The following LEPROTL1 variants were observed in gnomAD, a reference collection of about 807,000 sequenced individuals.
The protein encoded by LEPROTL1 is leptin receptor overlapping transcript like 1, also known as leptin receptor overlapping transcript-like 1.
LEPROTL1 carries 6 observed loss-of-function variants against 15.4 expected under a neutral mutation model. The observed-to-expected ratio is 0.39, with a 90% CI of 0.21 to 0.77. The LOEUF (loss-of-function observed/expected upper bound fraction) is 0.77. LEPROTL1 is among the 30% of genes least tolerant of loss of function. The pLI is 0.41. For synonymous variants in LEPROTL1, 56 were observed against 52.6 expected (o/e 1.06, Z -0.28); for missense variants, 128 against 158.1 (o/e 0.81, Z 1.02).
chr8:30,136,011 G>A (rs541654730), intron 4 of LEPROTL1, among the ~76,000 whole-genome samples: 1 of 152,024 alleles, frequency 6.6e-6, no homozygotes, highest in South Asian at 2.1e-4. Context: ...AACTGCTGCT[G>A]TTTCTATCCA....
rs1419349208 is a variant in LEPROTL1, at chr8:30,105,664, G to A, written c.280-82G>A. On this transcript the variant is annotated intron_variant, in intron 3 of 3. Transcript: ENST00000321250. ...CATGCTTCTTTTAGATCATAATTGG[G>A]ATACAACTAGAGCCTTGATTTTTTT... 57 of 1,147,238 alleles carry A rather than the reference G, an allele frequency of 5.0e-5. No individual in the cohort carries two copies. In the Admixed American group the frequency reaches 1.2e-3, roughly 23 times the overall value. 71.1% of individuals were successfully genotyped at this position (1,147,238 alleles called of 1,614,324 possible). A position where few individuals can be genotyped will look rare whatever the true frequency, so the allele number is the denominator to read the frequency against.
chr8:30,125,447 T>TATAATAGGAAATGCCGGGTGTTTATA (rs1802889683), intron 3 of LEPROTL1, among the ~76,000 whole-genome samples: 1 of 152,182 alleles, frequency 6.6e-6, no homozygotes, highest in Non-Finnish European at 1.5e-5. Flanking sequence ...ATGGAAGGAA[T>TATAATAGGAAATGCCGGGTGTTTATA]ATAATAGGAA....
At chr8:30,105,707 T>A (rs1802553683) in intron 3 of LEPROTL1, 39 bp from the exon 4 acceptor site, 1 of 1,570,698 alleles carries the variant, frequency 6.4e-7, no homozygotes, top group Admixed American at 1.9e-5. Flanking sequence ...TTCCTTTCGT[T>A]TTTCATGCCT....
At chr8:30,095,866 A>G in intron 1 of LEPROTL1, 1 of 701,642 alleles carries the variant, frequency 1.4e-6, no homozygotes, top group Non-Finnish European at 2.6e-6. Context: ...CACGTTTTGC[A>G]GGAGTTTGCA....
At chr8:30,095,723 C>A in intron 1 of LEPROTL1, 195 bp downstream of exon 1, 1 of 690,630 alleles carries the variant, frequency 1.4e-6, no homozygotes, top group South Asian at 1.5e-5. Flanking sequence ...CGGACGGTTG[C>A]GACCCCGGCT....
In LEPROTL1 at chr8:30,106,003, G is replaced by T; in HGVS notation, c.*141G>T. The T allele has an allele frequency of 8.0e-7, 1 of 1,257,154 alleles. No individual in the cohort carries two copies. The highest frequency in any genetic ancestry group is 1.0e-6 in the Non-Finnish European group (1 of 990,580). 77.9% of individuals were successfully genotyped at this position (1,257,154 alleles called of 1,614,324 possible). A position where few individuals can be genotyped will look rare whatever the true frequency, so the allele number is the denominator to read the frequency against. ...TAGGTGCTCCCTTCTCACTTTTATT[G>T]TAAGCATACTATTTTCACAGAGACT... On this transcript the variant is annotated 3_prime_UTR_variant, in exon 4 of 4. Coordinates refer to ENST00000321250, the MANE Select transcript of LEPROTL1 (RefSeq NM_015344.3).
chr8:30,109,410 G>A (rs1396633778), downstream of LEPROTL1, among the ~76,000 whole-genome samples: 1 of 152,182 alleles, frequency 6.6e-6, no homozygotes, highest in African/African-American at 2.4e-5. Flanking sequence ...TTAGATCAAT[G>A]AAGCTTAGCT....
rs1802475933 is a variant in LEPROTL1, at chr8:30,102,089, A to G, written c.92+116A>G. The G allele has an allele frequency of 1.2e-5, 7 of 600,456 alleles. No individual in the cohort carries two copies. The South Asian group carries it at 1.5e-4, about 13-fold the overall frequency. The allele number at this position is 600,456 out of a possible 1,614,324, so 37.2% of individuals were successfully genotyped here. A position where few individuals can be genotyped will look rare whatever the true frequency, so the allele number is the denominator to read the frequency against. ...TAATGCAGAGAAATGTTCACTTACC[A>G]AACACATACCTTTGTAAAAATCACC... is the stretch of plus-strand genomic sequence containing the variant. On this transcript the variant is annotated intron_variant, in intron 2 of 3. Coordinates refer to ENST00000321250, the MANE Select transcript of LEPROTL1 (RefSeq NM_015344.3).
exon 5 of LEPROTL1, chr8:30,137,497 C>T: frequency 6.4e-7 from 1 of 1,550,566 alleles, no homozygotes; most frequent in South Asian, 1.2e-5. Flanking sequence ...CTCTCAGGCA[C>T]AATGACAACT....
At chr8:30,123,707 A>T (rs902590857) in intron 3 of LEPROTL1, among the ~76,000 whole-genome samples, 1 of 152,230 alleles carries the variant, frequency 6.6e-6, no homozygotes, top group African/African-American at 2.4e-5. Flanking sequence ...AGGAAGCTCT[A>T]TCCAGACCTA....
downstream of LEPROTL1, among the ~76,000 whole-genome samples, chr8:30,108,731 G>A (rs759468386): frequency 2.0e-5 from 3 of 151,678 alleles, no homozygotes; most frequent in African/African-American, 4.8e-5. Context: ...AGGTTCAAGC[G>A]ATTCTCATAC....
At chr8:30,101,420 C>T (rs1001469961) in intron 1 of LEPROTL1, among the ~76,000 whole-genome samples, 4 of 152,148 alleles carry the variant, frequency 2.6e-5, no homozygotes, top group African/African-American at 9.7e-5. Context: ...GTAATCCCAG[C>T]ACTTTGGGAG....
At position 30,105,743 on chromosome 8, in the gene LEPROTL1, T is replaced by C. The variant is rs1417639162; in HGVS notation, c.280-3T>C. ...GTTGACTGAGTGTATCTTATTTCCA[T>C]AGATTGAGTGGGGAGCTTGTGCACT... On this transcript the variant is annotated splice_polypyrimidine_tract_variant and splice_region_variant and intron_variant, in intron 3 of 3. Coordinates refer to ENST00000321250, the MANE Select transcript of LEPROTL1 (RefSeq NM_015344.3). 1.3e-6 allele frequency: 2 copies of C among 1,599,654 alleles called. No individual in the cohort carries two copies. Among genetic ancestry groups the C allele is most frequent in the South Asian group, 1.1e-5 (1 of 90,168 alleles).
Position 30,118,832 on chromosome 8 carries a change from A to C in LEPROTL1, c.280-13543A>C, listed in dbSNP as rs549370607. 2.0e-5 allele frequency among the ~76,000 whole-genome samples: 3 copies of C among 152,246 alleles called. No homozygotes were observed. In the East Asian group the frequency reaches 5.8e-4, roughly 29 times the overall value. ...ACAAATAAGTTCAAGGGAAGGTACT[A>C]TGCCTGGATGTGCACGTAGGCCGGA... On this transcript the variant is annotated intron_variant, in intron 3 of 4. Coordinates refer to the LEPROTL1 transcript ENST00000442880.
exon 5 of LEPROTL1, chr8:30,137,357 C>A (rs996645318): frequency 1.3e-6 from 2 of 1,551,698 alleles, no homozygotes; most frequent in Non-Finnish European, 1.7e-6. Context: ...CCTCTCCCAG[C>A]AGCCGCCATG....
intron 3 of LEPROTL1, among the ~76,000 whole-genome samples, chr8:30,124,669 C>T (rs887293423): frequency 6.6e-6 from 1 of 151,924 alleles, no homozygotes; most frequent in Non-Finnish European, 1.5e-5. Context: ...ATATATAGTT[C>T]ATAAATGTAG....
intron 1 of LEPROTL1, among the ~76,000 whole-genome samples, chr8:30,100,002 T>G (rs1460366322): frequency 6.6e-6 from 1 of 152,248 alleles, no homozygotes; most frequent in Non-Finnish European, 1.5e-5. Flanking sequence ...TTCAGTGTTT[T>G]CCTTACAGTT....
downstream of LEPROTL1, among the ~76,000 whole-genome samples, chr8:30,108,828 A>C (rs763549934): frequency 6.6e-6 from 1 of 152,186 alleles, no homozygotes; most frequent in African/African-American, 2.4e-5. Context: ...TGGTTTTGCC[A>C]TGCTGGCCAC....
intron 3 of LEPROTL1, among the ~76,000 whole-genome samples, chr8:30,125,427 T>C (rs990540757): frequency 1.3e-5 from 2 of 152,156 alleles, no homozygotes; most frequent in Non-Finnish European, 2.9e-5. Flanking sequence ...TTTTATACAA[T>C]AGAAAACAAA....
Sources: allele counts gnomAD v4.1 joint callset (sites outside exome capture counted in the v4.1 genomes callset), GRCh38; gene constraint gnomAD v4.1.1; transcripts MANE v1.5; gene names NCBI Gene and HGNC (gene_info 2026-07-23, HGNC 2026-07-21).